Variants in EPDR1 observed in about 807,000 individuals in gnomAD.
EPDR1 encodes ependymin related 1.
EPDR1 carries 27 observed loss-of-function variants against 23.7 expected under a neutral mutation model. The observed-to-expected ratio is 1.14, with a 90% CI of 0.84 to 1.57. The LOEUF (loss-of-function observed/expected upper bound fraction) is 1.57. Ranked by LOEUF, EPDR1 falls within the 40% of genes most tolerant of loss-of-function variation. The pLI, the probability that EPDR1 is intolerant of heterozygous loss-of-function variation, is 0.00. For missense variants in EPDR1, 349 were observed against 290.4 expected (o/e 1.20, Z -1.47); for synonymous variants, 137 against 118.2 (o/e 1.16, Z -1.03).
chr7:37,935,799 G>C (rs1285400625), intron 1 of EPDR1, among the ~76,000 whole-genome samples: 1 of 151,130 alleles, frequency 6.6e-6, no homozygotes, highest in African/African-American at 2.4e-5. Context: ...AGGTGGGACA[G>C]TTAGTAGTAT....
chr7:37,930,944 G>A (rs1785924284), intron 1 of EPDR1, among the ~76,000 whole-genome samples: 1 of 152,120 alleles, frequency 6.6e-6, no homozygotes, highest in African/African-American at 2.4e-5. Flanking sequence ...TTCTGTTTTA[G>A]AGAAACAAGC....
chr7:37,938,128 C>A (rs1209262435), intron 1 of EPDR1, among the ~76,000 whole-genome samples: 1 of 151,162 alleles, frequency 6.6e-6, no homozygotes, highest in East Asian at 2.0e-4. Context: ...GTAGCTGGGA[C>A]TACAGGTGTC....
chr7:37,922,096 G>A (rs532746652), intron 1 of EPDR1, among the ~76,000 whole-genome samples: 1 of 152,072 alleles, frequency 6.6e-6, no homozygotes, highest in Non-Finnish European at 1.5e-5. Flanking sequence ...GAGCCCTGCC[G>A]TTCCCCCTAA....
At chr7:37,930,192 G>A (rs1583663874) in intron 1 of EPDR1, among the ~76,000 whole-genome samples, 1 of 152,146 alleles carries the variant, frequency 6.6e-6, no homozygotes, top group African/African-American at 2.4e-5. Flanking sequence ...GGGCCCTGCC[G>A]ATGAGTGACA....
Position 37,921,087 on chromosome 7 carries a change from G to A in EPDR1, c.148G>A (p.Gly50Arg). Residue 50 changes from glycine (G) to arginine (R), a missense_variant, in exon 1 of 3, where the codon GGG becomes AGG. Gly to Arg is a moderately radical substitution (Grantham distance 125). Coordinates refer to ENST00000199448, the MANE Select transcript of EPDR1 (RefSeq NM_017549.5). ...GTGCCAGGCGCCGCAGCAGTGGGAG[G>A]GGCGCCAGGTTATGTACCAGCAAAG... Reference protein sequence around the residue: ...RPCQAPQQWEGRQVMYQQSSG... With the variant: ...RPCQAPQQWERRQVMYQQSSG... 6.3e-7 allele frequency: 1 copy of A among 1,581,510 alleles called. No individual in the cohort carries two copies. The highest frequency in any genetic ancestry group is 8.5e-7 in the Non-Finnish European group (1 of 1,170,776).
Position 37,950,603 on chromosome 7 carries a change from A to C in EPDR1, c.*207A>C. On this transcript the variant is annotated 3_prime_UTR_variant, in exon 3 of 3. Coordinates refer to ENST00000199448, the MANE Select transcript of EPDR1 (RefSeq NM_017549.5). ...AAAATTGAATGGCGAGGGTGTGGCC[A>C]TATGAACTGACTAGATGGCTAATAT... 1.7e-6 allele frequency: 1 copy of C among 573,764 alleles called. No individual in the cohort carries two copies. Among genetic ancestry groups the C allele is most frequent in the South Asian group, 2.5e-5 (1 of 40,496 alleles). 35.5% of individuals were successfully genotyped at this position (573,764 alleles called of 1,614,324 possible).
rs772253163 is a variant in EPDR1, at chr7:37,920,696, C to T, written c.-244C>T. On this transcript the variant is annotated 5_prime_UTR_variant, in exon 1 of 3. Coordinates refer to ENST00000199448, the MANE Select transcript of EPDR1 (RefSeq NM_017549.5). ...AGCAGGCAGTGGCAGCAGGCAGTGG[C>T]CCAGGCAGAAATAGCTCCCGCGCGA... is the stretch of plus-strand genomic sequence containing the variant. 13 of 1,593,112 alleles carry T rather than the reference C, an allele frequency of 8.2e-6. No homozygotes were observed. The highest frequency in any genetic ancestry group is 6.9e-5 in the East Asian group (3 of 43,762).
At chr7:37,945,049 A>T (rs1255484680) in intron 1 of EPDR1, among the ~76,000 whole-genome samples, 1 of 152,232 alleles carries the variant, frequency 6.6e-6, no homozygotes, top group Non-Finnish European at 1.5e-5. Context: ...CCCACGGGTC[A>T]TTAAAAGTAT....
intron 1 of EPDR1, among the ~76,000 whole-genome samples, chr7:37,923,183 G>A (rs1785744477): frequency 6.6e-6 from 1 of 152,192 alleles, no homozygotes; most frequent in African/African-American, 2.4e-5. Context: ...GCATTCCCAA[G>A]ATGTGGACAC....
intron 1 of EPDR1, chr7:37,921,430 A>T (rs1316812919): frequency 1.0e-5 from 14 of 1,385,916 alleles, no homozygotes; most frequent in African/African-American, 1.5e-5. Context: ...GGACTCAGTA[A>T]CACCCAGCGA....
intron 1 of EPDR1, among the ~76,000 whole-genome samples, chr7:37,923,688 T>TA (rs1206928144): frequency 1.3e-5 from 2 of 151,912 alleles, no homozygotes; most frequent in Non-Finnish European, 2.9e-5. Flanking sequence ...TTTTTACAAT[T>TA]AAAAAAATTA....
rs1374491033 is a variant in EPDR1 at position 37,934,104 on chromosome 7, G to T, written c.269+12896G>T. On this transcript the variant is annotated intron_variant, in intron 1 of 2. Coordinates refer to ENST00000199448, the MANE Select transcript of EPDR1 (RefSeq NM_017549.5). ...CCATTCTCCTGCCTCAGCCTCCCCA[G>T]CAGCTGGGACTATAGGTGCCCACCA... Among the ~76,000 whole-genome samples, 3 of 151,682 alleles carry T rather than the reference G, an allele frequency of 2.0e-5. No individual in the cohort carries two copies. In the East Asian group the frequency reaches 5.9e-4, roughly 30 times the overall value.
At chr7:37,938,782 C>T (rs1017466035) in intron 1 of EPDR1, among the ~76,000 whole-genome samples, 20 of 152,296 alleles carry the variant, frequency 1.3e-4, no homozygotes, top group Admixed American at 5.2e-4. Flanking sequence ...GAAGGGTCTG[C>T]TCTTCTCTGC....
chr7:37,928,193 T>C (rs1304297107), intron 1 of EPDR1, among the ~76,000 whole-genome samples: 1 of 152,200 alleles, frequency 6.6e-6, no homozygotes, highest in Non-Finnish European at 1.5e-5. Context: ...CATCTTTACT[T>C]TCTCCAATAA....
chr7:37,933,903 T>C (rs183960814), intron 1 of EPDR1, among the ~76,000 whole-genome samples: 6 of 152,270 alleles, frequency 3.9e-5, no homozygotes, highest in Non-Finnish European at 8.8e-5. Flanking sequence ...ATTCTTGGGA[T>C]ACATGTTCCT....
rs2290220 is a variant in EPDR1 at position 37,949,122 on chromosome 7, G to C, written c.478+74G>C. 4.2e-4 allele frequency: 610 copies of C among 1,461,520 alleles called. 6 individuals carry two copies. In the East Asian group the frequency reaches 0.012, roughly 30 times the overall value. 90.5% of individuals were successfully genotyped at this position (1,461,520 alleles called of 1,614,324 possible). On this transcript the variant is annotated intron_variant, in intron 2 of 2. Transcript: ENST00000199448. ...AAAAAGGTTTAAGTCCTTTAAGGAA[G>C]GTAGTTTTTAGGGAAACATCCGCTT...
At chr7:37,941,310 C>T (rs1786169028) in intron 1 of EPDR1, among the ~76,000 whole-genome samples, 1 of 152,156 alleles carries the variant, frequency 6.6e-6, no homozygotes, top group Non-Finnish European at 1.5e-5. Context: ...CAGGACATTT[C>T]CAACATCACA....
intron 1 of EPDR1, among the ~76,000 whole-genome samples, chr7:37,948,050 T>C (rs2246951): frequency 0.74 from 113,055 of 152,246 alleles, 42,897 homozygotes; most frequent in Non-Finnish European, 0.82. Context: ...CCCTTACTCA[T>C]GACTGCTCGG....
chr7:37,929,672 G>A (rs186828887), intron 1 of EPDR1, among the ~76,000 whole-genome samples: 13 of 152,086 alleles, frequency 8.5e-5, no homozygotes, highest in Admixed American at 3.9e-4. Context: ...TATATGTTAC[G>A]TTATACCTCT....
Sources: gnomAD v4.1 joint callset for allele counts (sites outside exome capture counted in the v4.1 genomes callset) on GRCh38, gnomAD v4.1.1 for gene constraint, MANE v1.5 for transcripts, NCBI Gene and HGNC (gene_info 2026-07-23, HGNC 2026-07-21) for gene names.